GC: variants seen among roughly 807,000 people sequenced by gnomAD.
The protein encoded by GC is GC vitamin D binding protein, also known as vitamin D-binding protein.
GC carries 43 observed loss-of-function variants against 56.7 expected under a neutral mutation model. The ratio of observed to expected loss-of-function variants is 0.76; its 90% CI spans 0.59 to 0.98. The LOEUF is 0.98. GC is among the 50% of genes least tolerant of loss of function. GC has a pLI of 0.00. For synonymous variants in GC, 216 were observed against 202.7 expected, an observed-to-expected ratio of 1.07 and a Z score of -0.56; for missense variants, 529 against 545.9, an observed-to-expected ratio of 0.97 and a Z score of 0.31.
At chr4:71,750,523 C>A (rs1237439990) in intron 11 of GC, among the ~76,000 whole-genome samples, 1 of 152,080 alleles carries the variant, frequency 6.6e-6, no homozygotes, top group African/African-American at 2.4e-5. Flanking sequence ...AGAAACTGGG[C>A]TTTATTGCTT....
At chr4:71,782,333 A>T (rs1370765766) in intron 1 of GC, among the ~76,000 whole-genome samples, 1 of 151,804 alleles carries the variant, frequency 6.6e-6, no homozygotes, top group Non-Finnish European at 1.5e-5. Context: ...CTTCTAAGTA[A>T]ACTGCTGACT....
In GC at chr4:71,754,929, T is replaced by C. The variant is rs758541386; in HGVS notation, c.1164+49A>G. ...AAGTTTTGGCCCATGAACTATAATT[T>C]TCCAACCCTTGATCTATGTGCTTGA... On this transcript the variant is annotated intron_variant, in intron 9 of 12. Coordinates refer to ENST00000273951, the MANE Select transcript of GC (RefSeq NM_000583.4). The C allele has an allele frequency of 1.8e-5, 25 of 1,406,578 alleles. No individual in the cohort carries two copies. The South Asian group carries it at 3.6e-4, about 20-fold the overall frequency. 87.1% of individuals were successfully genotyped at this position (1,406,578 alleles called of 1,614,324 possible). A position where few individuals can be genotyped will look rare whatever the true frequency, so the allele number is the denominator to read the frequency against.
exon 1 of GC, chr4:71,804,030 T>C (rs1416982547): frequency 2.3e-6 from 2 of 860,418 alleles, no homozygotes; most frequent in Non-Finnish European, 3.8e-6. Context: ...GCAATCTCTT[T>C]GAAAAAACAG....
intron 1 of GC, among the ~76,000 whole-genome samples, chr4:71,773,380 C>T (rs1742402805): frequency 6.6e-6 from 1 of 152,006 alleles, no homozygotes; most frequent in South Asian, 2.1e-4. Context: ...TTCAGGAAAT[C>T]TTTGCTGCTT....
At chr4:71,742,046 G>T (rs908699269) in intron 12 of GC, among the ~76,000 whole-genome samples, 176 bp from the exon 13 acceptor site, 1 of 152,108 alleles carries the variant, frequency 6.6e-6, no homozygotes, top group African/African-American at 2.4e-5. Flanking sequence ...TCCAGAATAA[G>T]AAAAAAATGT....
intron 2 of GC, 34 bp from the exon 3 acceptor site, chr4:71,768,467 A>T: frequency 6.3e-7 from 1 of 1,575,540 alleles, no homozygotes; most frequent in Admixed American, 1.8e-5. Context: ...ATCAATTAGA[A>T]CTGAAAGGTT....
intron 6 of GC, among the ~76,000 whole-genome samples, chr4:71,761,728 G>A (rs931236687): frequency 1.3e-5 from 2 of 152,148 alleles, no homozygotes; most frequent in East Asian, 1.9e-4. Context: ...GGCTGAAAGG[G>A]GCCAATGTAG....
At position 71,755,094 on chromosome 4, in the gene GC, G is replaced by A. The variant is rs2149296087; in HGVS notation, c.1048C>T (p.Leu350=). ...TKVMDKYTFE[L]SRRTHLPEVF... ...TCCGGAAGATGAGTCCTTCTGCTTA[G>A]TTCAAATGTATACCTAGCATGAGGG... is the stretch of plus-strand genomic sequence containing the variant. Residue 350 remains leucine, a synonymous_variant, in exon 9 of 13, where the codon CTA becomes TTA. Coordinates refer to ENST00000273951, the MANE Select transcript of GC (RefSeq NM_000583.4). 6.4e-7 allele frequency: 1 copy of A among 1,568,356 alleles called. No homozygotes were observed. Among genetic ancestry groups the A allele is most frequent in the East Asian group, 2.3e-5 (1 of 43,252 alleles).
At chr4:71,793,688 C>T (rs1054487593) in intron 1 of GC, among the ~76,000 whole-genome samples, 1 of 152,148 alleles carries the variant, frequency 6.6e-6, no homozygotes, top group African/African-American at 2.4e-5. Flanking sequence ...ACTTCCAACA[C>T]TATGCTGAAT....
At chr4:71,776,858 T>C (rs1742523774) in intron 1 of GC, among the ~76,000 whole-genome samples, 1 of 151,910 alleles carries the variant, frequency 6.6e-6, no homozygotes, top group Non-Finnish European at 1.5e-5. Flanking sequence ...ATACACGTCT[T>C]AATGACTACT....
At chr4:71,774,156 A>T (rs919257180) in intron 1 of GC, among the ~76,000 whole-genome samples, 7 of 152,100 alleles carry the variant, frequency 4.6e-5, no homozygotes, top group African/African-American at 7.2e-5. Flanking sequence ...GACCCACATG[A>T]CATCTATAGA....
upstream of GC, chr4:71,786,043 T>C (rs1742825959): frequency 6.6e-6 from 1 of 151,866 alleles, no homozygotes; most frequent in Non-Finnish European, 1.5e-5. Flanking sequence ...TCTTTCATTT[T>C]TTAAAAAATT....
rs1370255063 is a variant in GC at position 71,752,535 on chromosome 4, G to A, written c.1378C>T (p.Leu460Phe). 1 of 1,613,180 alleles carries A rather than the reference G, an allele frequency of 6.2e-7. No homozygotes were observed. The highest frequency in any genetic ancestry group is 8.5e-7 in the Non-Finnish European group (1 of 1,179,568). ...SNCCSINSPP[L>F]YCDSEIDAEL... is the part of the protein sequence containing the mutation. Reference sequence around the variant, plus strand: ...TTTCCTACCTCTGAATCACAGTAAAGAGGAGGTGAGTTTATGGAACAGCAG... The same window carrying A: ...TTTCCTACCTCTGAATCACAGTAAAAAGGAGGTGAGTTTATGGAACAGCAG... The change falls in exon 11 of 13, where the codon CTT becomes TTT. Residue 460 changes from leucine (L) to phenylalanine (F), a missense_variant. By Grantham distance (22) the Leu-to-Phe change is conservative. Transcript: ENST00000273951.
At chr4:71,746,968 G>C (rs1055264988) in intron 11 of GC, among the ~76,000 whole-genome samples, 3 of 151,962 alleles carry the variant, frequency 2.0e-5, no homozygotes, top group Non-Finnish European at 2.9e-5. Context: ...GTGAAAGATT[G>C]CCTGAAACTA....
chr4:71,754,578 C>A lies in GC; in HGVS notation c.1165-70G>T. The A allele has an allele frequency of 3.7e-6, 3 of 808,166 alleles. No homozygotes were observed. The South Asian group carries it at 4.5e-5, about 12-fold the overall frequency. The allele number at this position is 808,166 out of a possible 1,614,324, so 50.1% of individuals were successfully genotyped here. A position where few individuals can be genotyped will look rare whatever the true frequency, so the allele number is the denominator to read the frequency against. On this transcript the variant is annotated intron_variant, in intron 9 of 12. Transcript: ENST00000273951. The stretch of plus-strand genomic sequence containing the variant: ...ACCTTGTCCCATCAAGCCATTAAAT[C>A]AAAATTCCAAATATTGTATCATTAA...
intron 6 of GC, chr4:71,759,637 G>A (rs1343716742): frequency 1.3e-5 from 2 of 152,134 alleles, no homozygotes; most frequent in Admixed American, 6.5e-5. Flanking sequence ...TGTATCTTAA[G>A]GTTAGTGACG....
At chr4:71,793,110 G>A (rs892264815) in intron 1 of GC, among the ~76,000 whole-genome samples, 1 of 152,130 alleles carries the variant, frequency 6.6e-6, no homozygotes, top group African/African-American at 2.4e-5. Context: ...TTCCAGCTTT[G>A]TTCTTTTTGC....
intron 12 of GC, among the ~76,000 whole-genome samples, chr4:71,744,544 T>G (rs969204889): frequency 1.3e-5 from 2 of 152,064 alleles, no homozygotes; most frequent in Non-Finnish European, 2.9e-5. Flanking sequence ...ACTTCCTCCT[T>G]ACTTACCTTA....
chr4:71,791,643 T>G (rs1742970020), intron 1 of GC, among the ~76,000 whole-genome samples: 1 of 152,064 alleles, frequency 6.6e-6, no homozygotes, highest in Non-Finnish European at 1.5e-5. Context: ...CTTGTATGTA[T>G]TTCATTGGAT....
Sources: gnomAD v4.1 joint callset for allele counts (sites outside exome capture counted in the v4.1 genomes callset) on GRCh38, gnomAD v4.1.1 for gene constraint, MANE v1.5 for transcripts, NCBI Gene and HGNC (gene_info 2026-07-23, HGNC 2026-07-21) for gene names.